The following MMP26 variants were observed in gnomAD, a reference collection of about 807,000 sequenced individuals.
MMP26 encodes matrix metallopeptidase 26, also known as matrix metalloproteinase-26.
In MMP26, 33 loss-of-function variants were observed where a neutral mutation model predicts 31.0. The ratio of observed to expected loss-of-function variants is 1.06; its 90% confidence interval spans 0.81 to 1.42. The LOEUF is 1.42. MMP26 is among the 40% of genes most tolerant of loss of function. The pLI, the probability that MMP26 is intolerant of heterozygous loss-of-function variation, is 0.00. For synonymous variants in MMP26, 122 were observed against 114.9 expected (o/e 1.06, Z -0.40); for missense variants, 347 against 316.1 (o/e 1.10, Z -0.74).
chr11:4,792,329 G>C (rs1033548042), intron 2 of MMP26, among the ~76,000 whole-genome samples: 2 of 152,108 alleles, frequency 1.3e-5, no homozygotes, highest in Admixed American at 1.3e-4. Context: ...CTCTTAAAAA[G>C]GAAGAGTTTT....
At chr11:4,788,245 T>C (rs1848975123) in intron 2 of MMP26, among the ~76,000 whole-genome samples, 1 of 151,986 alleles carries the variant, frequency 6.6e-6, no homozygotes, top group Non-Finnish European at 1.5e-5. Context: ...AGATTTTACT[T>C]CTGGGTATAA....
At chr11:4,728,629 A>T (rs1848133847) in intron 1 of MMP26, among the ~76,000 whole-genome samples, 1 of 152,092 alleles carries the variant, frequency 6.6e-6, no homozygotes, top group Non-Finnish European at 1.5e-5. Context: ...ACAAATCTCT[A>T]TTTCAGAATT....
At position 4,783,817 on chromosome 11, in the gene MMP26, T is replaced by C. The variant is rs796734664; in HGVS notation, c.-145+16476T>C. Among the ~76,000 whole-genome samples, 8 of 152,176 alleles carry C rather than the reference T, an allele frequency of 5.3e-5. No individual in the cohort carries two copies. The South Asian group carries it at 1.5e-3, about 28-fold the overall frequency. ...TGATGGTTTGATAAGGGGCAACCTG[T>C]TTCTCTTGGCGCTCATTCTCTCTTT... is the stretch of plus-strand genomic sequence containing the variant. On this transcript the variant is annotated intron_variant, in intron 2 of 7. Transcript: ENST00000380390.
intron 2 of MMP26, among the ~76,000 whole-genome samples, chr11:4,798,154 A>T (rs913431498): frequency 6.6e-6 from 1 of 152,210 alleles, no homozygotes; most frequent in Non-Finnish European, 1.5e-5. Context: ...CATGTTGAGA[A>T]CTGGAAACCA....
chr11:4,735,128 G>C (rs1848222553), intron 1 of MMP26, among the ~76,000 whole-genome samples: 1 of 152,218 alleles, frequency 6.6e-6, no homozygotes, highest in South Asian at 2.1e-4. Context: ...ACTTGGAGTG[G>C]AGCTATCAGC....
At chr11:4,898,873 G>A (rs944378996) in intron 2 of MMP26, among the ~76,000 whole-genome samples, 1 of 133,786 alleles carries the variant, frequency 7.5e-6, no homozygotes, top group African/African-American at 2.8e-5. Context: ...GTGTGTGTGT[G>A]TGTTCTTTCA....
In MMP26 at chr11:4,841,986, C is replaced by T. The variant is rs562257313; in HGVS notation, c.-145+74645C>T. 2.6e-5 allele frequency among the ~76,000 whole-genome samples: 4 copies of T among 152,270 alleles called. No individual in the cohort carries two copies. In the East Asian group the frequency reaches 5.8e-4, roughly 22 times the overall value. ...AGGACATTAATGAGCAATAAATAAT[C>T]ACTTTAAGGTAGTAATACAAAAGTC... On this transcript the variant is annotated intron_variant, in intron 2 of 7. Transcript: ENST00000380390.
At chr11:4,930,269 C>T (rs1162157560) in intron 2 of MMP26, among the ~76,000 whole-genome samples, 1 of 152,050 alleles carries the variant, frequency 6.6e-6, no homozygotes, top group Non-Finnish European at 1.5e-5. Context: ...TAAAGATGTG[C>T]TTCTCAGATC....
chr11:4,988,342 A>G (rs1564820290), intron 3 of MMP26, 32 bp downstream of exon 3: 11 of 1,539,410 alleles, frequency 7.1e-6, no homozygotes, highest in Non-Finnish European at 9.9e-6. Context: ...ACATTATTAC[A>G]TGGTGACCAT....
intron 2 of MMP26, among the ~76,000 whole-genome samples, chr11:4,929,095 CAA>C (rs1390161992): frequency 6.6e-6 from 1 of 151,928 alleles, no homozygotes; most frequent in Non-Finnish European, 1.5e-5. Flanking sequence ...AGTCTGGAGT[CAA>C]AAAGAAATTA....
intron 1 of MMP26, among the ~76,000 whole-genome samples, chr11:4,759,842 C>T (rs995959332): frequency 1.3e-5 from 2 of 152,220 alleles, no homozygotes; most frequent in Admixed American, 6.5e-5. Flanking sequence ...AAGAGGATGG[C>T]TGTCCTGGTC....
intron 2 of MMP26, among the ~76,000 whole-genome samples, chr11:4,975,659 T>C (rs1454303546): frequency 6.6e-6 from 1 of 152,052 alleles, no homozygotes; most frequent in African/African-American, 2.4e-5. Context: ...GCATGGCTTT[T>C]GTATGAAACA....
intron 2 of MMP26, chr11:4,848,006 C>G (rs1849898742): frequency 6.0e-6 from 3 of 499,204 alleles, no homozygotes; most frequent in Non-Finnish European, 1.1e-5. Flanking sequence ...TGGACTCTGG[C>G]CCTTCCTATG....
At chr11:4,869,327 G>A (rs184949910) in intron 2 of MMP26, among the ~76,000 whole-genome samples, 2 of 152,100 alleles carry the variant, frequency 1.3e-5, no homozygotes, top group African/African-American at 2.4e-5. Context: ...ATCTGACAAA[G>A]GGCTAATATC....
chr11:4,722,105 G>T (rs149090782), intron 1 of MMP26, among the ~76,000 whole-genome samples: 1,661 of 152,220 alleles, frequency 0.011, 18 homozygotes, highest in Middle Eastern at 0.017. Context: ...AGCAGAAGTC[G>T]CTATACTTCT....
chr11:4,724,779 AAAAATCGCAGATG>A (rs1209359883), intron 1 of MMP26, among the ~76,000 whole-genome samples: 4 of 152,264 alleles, frequency 2.6e-5, no homozygotes, highest in Non-Finnish European at 5.9e-5. Flanking sequence ...GCTGAGACAG[AAAAATCGCAGATG>A]CTAAATTCCA....
At chr11:4,824,799 C>G (rs1849559102) in intron 2 of MMP26, among the ~76,000 whole-genome samples, 1 of 152,072 alleles carries the variant, frequency 6.6e-6, no homozygotes, top group Non-Finnish European at 1.5e-5. Flanking sequence ...TTCTGGGTAT[C>G]CTTGATATAA....
chr11:4,958,347 T>A (rs1290574229), intron 2 of MMP26, among the ~76,000 whole-genome samples: 1 of 152,254 alleles, frequency 6.6e-6, no homozygotes, highest in Admixed American at 6.5e-5. Flanking sequence ...TCACTCTTTT[T>A]ATTTTTTGCT....
chr11:4,853,881 T>A (rs1850011351), intron 2 of MMP26, among the ~76,000 whole-genome samples: 1 of 152,140 alleles, frequency 6.6e-6, no homozygotes, highest in African/African-American at 2.4e-5. Flanking sequence ...ACATATAAAT[T>A]CTTAATATTA....
Sources: gnomAD v4.1 joint callset for allele counts (sites outside exome capture counted in the v4.1 genomes callset) on GRCh38, gnomAD v4.1.1 for gene constraint, MANE v1.5 for transcripts, NCBI Gene and HGNC (gene_info 2026-07-23, HGNC 2026-07-21) for gene names.